LARP1: variants seen among roughly 807,000 people sequenced by gnomAD.
The protein encoded by LARP1 is la-related protein 1.
LARP1 carries 36 observed loss-of-function variants against 122.7 expected under a neutral mutation model. The observed-to-expected ratio is 0.29, with a 90% CI of 0.22 to 0.39. The LOEUF is 0.39. Among genes scored for constraint, LARP1 ranks in the 10% least tolerant of loss-of-function variants. The pLI is 1.00. For missense variants in LARP1, 1,040 were observed against 1,403.6 expected (o/e 0.74, Z 4.14); for synonymous variants, 539 against 528.7 (o/e 1.02, Z -0.27).
At chr5:154,707,157 G>C (rs1237668186) in intron 1 of LARP1, among the ~76,000 whole-genome samples, 1 of 152,110 alleles carries the variant, frequency 6.6e-6, no homozygotes, top group Non-Finnish European at 1.5e-5. Flanking sequence ...AGTGACTCGA[G>C]CCTGCAATCC....
At chr5:154,733,326 C>T (rs1756693890) in intron 1 of LARP1, among the ~76,000 whole-genome samples, 1 of 152,188 alleles carries the variant, frequency 6.6e-6, no homozygotes, top group African/African-American at 2.4e-5. Flanking sequence ...TGGCATCAGA[C>T]TGCTCTGAAA....
Position 154,793,831 on chromosome 5 carries a change from C to G in LARP1, c.900C>G (p.Ala300=). ...AGTCTGCCACCTACGTGCCCGTGGC[C>G]CCCCCCACCCCAGCCTGGCAACCAG... is the stretch of plus-strand genomic sequence containing the variant. ...GSESATYVPV[A]PPTPAWQPEI... The change falls in exon 6 of 19, where the codon GCC becomes GCG. Residue 300 remains alanine (A), a synonymous_variant. Transcript: ENST00000518297. The G allele has an allele frequency of 1.2e-6, 2 of 1,614,092 alleles. No homozygotes were observed. Among genetic ancestry groups the G allele is most frequent in the Non-Finnish European group, 1.7e-6 (2 of 1,179,996 alleles).
chr5:154,696,105 C>T (rs1214372906), intron 1 of LARP1, among the ~76,000 whole-genome samples: 3 of 152,084 alleles, frequency 2.0e-5, no homozygotes, highest in Non-Finnish European at 4.4e-5. Flanking sequence ...TCCTATAATC[C>T]TAGCACTTTG....
At chr5:154,764,340 G>T (rs1169996685) in intron 1 of LARP1, among the ~76,000 whole-genome samples, 1 of 150,954 alleles carries the variant, frequency 6.6e-6, no homozygotes, top group Non-Finnish European at 1.5e-5. Flanking sequence ...ATCCAGGTTG[G>T]GTGTGGGGGC....
rs568006111 is a variant in LARP1, at chr5:154,795,407, G to A, written c.1377+88G>A. Reference sequence around the variant, plus strand: ...TGGGCCAAGGCAGAAAGCCCTGGAAGAGTCATCATCTGATGACTTCTGCTG... The same window carrying A: ...TGGGCCAAGGCAGAAAGCCCTGGAAAAGTCATCATCTGATGACTTCTGCTG... On this transcript the variant is annotated intron_variant, in intron 8 of 18. Coordinates refer to ENST00000518297, the MANE Select transcript of LARP1 (RefSeq NM_033551.3). 3.6e-6 allele frequency: 5 copies of A among 1,380,232 alleles called. No individual in the cohort carries two copies. In the South Asian group the frequency reaches 6.5e-5, roughly 18 times the overall value. The allele number at this position is 1,380,232 out of a possible 1,614,324, so 85.5% of individuals were successfully genotyped here.
intron 1 of LARP1, among the ~76,000 whole-genome samples, chr5:154,688,653 CAAAAAAAAAA>C (rs10677648): frequency 1.3e-5 from 1 of 79,484 alleles, no homozygotes; most frequent in African/African-American, 5.5e-5. Context: ...GACTCCATCT[CAAAAAAAAAA>C]AAAAAAAAAA....
intron 1 of LARP1, among the ~76,000 whole-genome samples, chr5:154,770,985 G>A (rs570848093): frequency 2.6e-4 from 39 of 152,118 alleles, no homozygotes; most frequent in Admixed American, 1.6e-3. Context: ...GGCAGCAGGC[G>A]CCCGTAATCC....
intron 14 of LARP1, 64 bp downstream of exon 14, chr5:154,804,371 A>C: frequency 8.4e-7 from 1 of 1,189,130 alleles, no homozygotes; most frequent in East Asian, 2.3e-5. Context: ...GAGCCATGAA[A>C]TTGACTGGAC....
At chr5:154,744,593 G>C (rs897629178) in intron 1 of LARP1, among the ~76,000 whole-genome samples, 5 of 149,486 alleles carry the variant, frequency 3.3e-5, no homozygotes, top group Non-Finnish European at 7.4e-5. Flanking sequence ...ATTATCTGCA[G>C]GGGAAAGGGC....
chr5:154,706,969 C>T (rs1341874999), intron 1 of LARP1, among the ~76,000 whole-genome samples: 2 of 152,118 alleles, frequency 1.3e-5, no homozygotes, highest in African/African-American at 4.8e-5. Context: ...TTTATGGTCC[C>T]AAAATCAAAA....
intron 1 of LARP1, among the ~76,000 whole-genome samples, chr5:154,699,151 C>T (rs761387336): frequency 1.3e-5 from 2 of 152,158 alleles, no homozygotes; most frequent in African/African-American, 2.4e-5. Flanking sequence ...TGTTTTTCCC[C>T]TCACCCTGGA....
intron 1 of LARP1, among the ~76,000 whole-genome samples, chr5:154,700,733 C>G (rs1754673739): frequency 6.6e-6 from 1 of 151,760 alleles, no homozygotes; most frequent in African/African-American, 2.4e-5. Context: ...AAGCGATCCT[C>G]CCACCTCAGG....
upstream of LARP1, among the ~76,000 whole-genome samples, chr5:154,752,238 TTTTTC>T (rs369888953): frequency 7.6e-4 from 116 of 152,266 alleles, no homozygotes; most frequent in African/African-American, 2.4e-3. Flanking sequence ...TTTTTCTTCC[TTTTTC>T]TTTTCTTTTC....
At chr5:154,756,329 G>C (rs1243404489) in intron 1 of LARP1, 136 bp downstream of exon 1, 24 of 931,858 alleles carry the variant, frequency 2.6e-5, no homozygotes, top group Non-Finnish European at 3.0e-5. Context: ...TTGCCTCCTG[G>C]TTGATCCTGG....
chr5:154,688,109 C>T (rs1050696336), intron 1 of LARP1, among the ~76,000 whole-genome samples: 3 of 152,082 alleles, frequency 2.0e-5, no homozygotes, highest in Non-Finnish European at 2.9e-5. Context: ...TTTGATGCTT[C>T]GGGTCTGGGC....
rs1300431608 is a variant in LARP1 at position 154,700,134 on chromosome 5, CAA to C, written c.-180+17103_-180+17104del. Among the ~76,000 whole-genome samples, 4 of 151,590 alleles carry C rather than the reference CAA, an allele frequency of 2.6e-5. No individual in the cohort carries two copies. In the South Asian group the frequency reaches 8.3e-4, roughly 32 times the overall value. ...CTCAGGCACAAAATTTTGACAGGTG[CAA>C]AAAAATGCAGTAATCAAATAATATT... On this transcript the variant is annotated intron_variant, in intron 1 of 18. Coordinates refer to the LARP1 transcript ENST00000687700.
intron 1 of LARP1, among the ~76,000 whole-genome samples, chr5:154,769,091 G>A (rs1414487890): frequency 6.6e-6 from 1 of 152,112 alleles, no homozygotes; most frequent in African/African-American, 2.4e-5. Context: ...CGCCCACCTC[G>A]GCCTCTCAAA....
At chr5:154,717,316 C>G (rs1755572174) in intron 1 of LARP1, among the ~76,000 whole-genome samples, 1 of 152,154 alleles carries the variant, frequency 6.6e-6, no homozygotes, top group Non-Finnish European at 1.5e-5. Flanking sequence ...CCTGGCCCCA[C>G]AAGCCTGTGG....
chr5:154,772,869 T>G (rs1438179904), intron 1 of LARP1, among the ~76,000 whole-genome samples: 1 of 152,000 alleles, frequency 6.6e-6, no homozygotes, highest in African/African-American at 2.4e-5. Flanking sequence ...GTATTTTTAG[T>G]AGAGACGGGG....
Sources: gnomAD v4.1 joint callset for allele counts (sites outside exome capture counted in the v4.1 genomes callset) on GRCh38, gnomAD v4.1.1 for gene constraint, MANE v1.5 for transcripts, NCBI Gene and HGNC (gene_info 2026-07-23, HGNC 2026-07-21) for gene names.